MGAT4C: variants seen among roughly 807,000 people sequenced by gnomAD.
The protein encoded by MGAT4C is alpha-1,3-mannosyl-glycoprotein 4-beta-N-acetylglucosaminyltransferase C.
A neutral mutation model predicts 40.1 loss-of-function variants in MGAT4C; 19 were observed. The ratio of observed to expected loss-of-function variants is 0.47; its 90% CI spans 0.33 to 0.70. The LOEUF is 0.70. Among genes scored for constraint, MGAT4C ranks in the 30% least tolerant of loss-of-function variants. The pLI is 0.02. For missense variants in MGAT4C, 491 were observed against 563.2 expected, an observed-to-expected ratio of 0.87 and a Z score of 1.30; for synonymous variants, 181 against 187.1, an observed-to-expected ratio of 0.97 and a Z score of 0.27.
At chr12:86,093,724 C>T (rs963151505) in intron 1 of MGAT4C, among the ~76,000 whole-genome samples, 15 of 142,500 alleles carry the variant, frequency 1.1e-4, no homozygotes, top group African/African-American at 3.1e-4. Flanking sequence ...AGTGAGACTC[C>T]GTCTAAAAAC....
At chr12:86,610,979 T>G (rs961947957) in intron 2 of MGAT4C, among the ~76,000 whole-genome samples, 1 of 151,626 alleles carries the variant, frequency 6.6e-6, no homozygotes, top group Non-Finnish European at 1.5e-5. Context: ...TACATGTGGG[T>G]CAGAAATGGC....
intron 2 of MGAT4C, among the ~76,000 whole-genome samples, chr12:86,703,149 T>C (rs1950393738): frequency 6.6e-6 from 1 of 152,138 alleles, no homozygotes; most frequent in Admixed American, 6.6e-5. Flanking sequence ...CGTAAATAGA[T>C]GAGGAATTGC....
chr12:86,411,400 A>G (rs150822876), intron 3 of MGAT4C, among the ~76,000 whole-genome samples: 1 of 152,188 alleles, frequency 6.6e-6, no homozygotes, highest in African/African-American at 2.4e-5. Flanking sequence ...CTTATTGAAA[A>G]CTGGAGTAAA....
intron 3 of MGAT4C, among the ~76,000 whole-genome samples, chr12:86,430,254 G>C (rs186492764): frequency 6.6e-6 from 1 of 151,978 alleles, no homozygotes; most frequent in African/African-American, 2.4e-5. Flanking sequence ...CAGATTTCTA[G>C]ATCTCCATTT....
intron 4 of MGAT4C, among the ~76,000 whole-genome samples, chr12:86,301,780 C>T (rs1192268264): frequency 6.6e-6 from 1 of 152,154 alleles, no homozygotes; most frequent in Non-Finnish European, 1.5e-5. Context: ...ATATTTTTCT[C>T]ATTTTAATAC....
intron 1 of MGAT4C, among the ~76,000 whole-genome samples, chr12:86,753,977 A>G (rs1325254732): frequency 6.6e-6 from 1 of 152,180 alleles, no homozygotes; most frequent in Non-Finnish European, 1.5e-5. Context: ...ACAAATAAGT[A>G]CTACTCCTAA....
intron 4 of MGAT4C, among the ~76,000 whole-genome samples, chr12:86,310,090 A>G (rs986032472): frequency 3.3e-5 from 5 of 152,148 alleles, no homozygotes; most frequent in Non-Finnish European, 7.3e-5. Flanking sequence ...TGAAGTAGAG[A>G]AACCAGTGAG....
At chr12:86,808,346 A>T (rs1952404113) in intron 1 of MGAT4C, among the ~76,000 whole-genome samples, 1 of 152,114 alleles carries the variant, frequency 6.6e-6, no homozygotes, top group Non-Finnish European at 1.5e-5. Context: ...CTTCAGGCCA[A>T]TATCCCTGAT....
chr12:86,194,269 G>GT (rs146800158), intron 1 of MGAT4C, among the ~76,000 whole-genome samples: 12,678 of 150,886 alleles, frequency 0.084, 621 homozygotes, highest in Middle Eastern at 0.23. Flanking sequence ...AATAACCCTT[G>GT]TTTTTTTTTA....
intron 2 of MGAT4C, among the ~76,000 whole-genome samples, chr12:86,681,675 C>T (rs1461996631): frequency 6.6e-6 from 1 of 151,872 alleles, no homozygotes; most frequent in Non-Finnish European, 1.5e-5. Context: ...TTTCTATACA[C>T]CTAACAGCTA....
At chr12:86,698,415 T>G (rs752024709) in intron 2 of MGAT4C, among the ~76,000 whole-genome samples, 3 of 151,928 alleles carry the variant, frequency 2.0e-5, no homozygotes, top group Non-Finnish European at 2.9e-5. Context: ...ACTTAACAGA[T>G]TGGCAAATAC....
chr12:86,836,669 T>C (rs1397061628), intron 1 of MGAT4C, among the ~76,000 whole-genome samples: 3 of 152,026 alleles, frequency 2.0e-5, no homozygotes, highest in East Asian at 3.9e-4. Flanking sequence ...GTCAGATATA[T>C]AAAATTTTTA....
intron 2 of MGAT4C, among the ~76,000 whole-genome samples, chr12:86,509,411 T>C (rs1958532211): frequency 6.6e-6 from 1 of 152,212 alleles, no homozygotes; most frequent in Admixed American, 6.5e-5. Flanking sequence ...TTCTGTTCCA[T>C]TGATCTATAT....
intron 2 of MGAT4C, among the ~76,000 whole-genome samples, chr12:86,598,575 A>G (rs2136456880): frequency 6.6e-6 from 1 of 152,234 alleles, no homozygotes; most frequent in African/African-American, 2.4e-5. Context: ...AAAGTTAGCA[A>G]AAATTCCCTT....
chr12:86,806,432 G>T (rs1193812031), intron 1 of MGAT4C, among the ~76,000 whole-genome samples: 2 of 85,984 alleles, frequency 2.3e-5, no homozygotes, highest in African/African-American at 6.3e-5. Flanking sequence ...ACTTACATCT[G>T]TGTGTGTGTG....
intron 2 of MGAT4C, among the ~76,000 whole-genome samples, chr12:86,452,882 G>A (rs1298440988): frequency 3.3e-5 from 5 of 152,018 alleles, no homozygotes; most frequent in Non-Finnish European, 7.4e-5. Flanking sequence ...CCATACAGAA[G>A]GGGATGGAAG....
intron 4 of MGAT4C, among the ~76,000 whole-genome samples, chr12:86,309,052 T>C (rs1954008046): frequency 6.6e-6 from 1 of 150,592 alleles, no homozygotes; most frequent in African/African-American, 2.5e-5. Flanking sequence ...ATAATAATGA[T>C]AAGGTCTGAT....
chr12:86,770,489 T>G (rs1218876275), intron 1 of MGAT4C, among the ~76,000 whole-genome samples: 1 of 152,102 alleles, frequency 6.6e-6, no homozygotes, highest in Non-Finnish European at 1.5e-5. Flanking sequence ...GCTTTATATA[T>G]ATTTTAGGCC....
Position 86,123,812 on chromosome 12 carries a change from C to T in MGAT4C, c.-56-74089G>A, listed in dbSNP as rs555125191. Among the ~76,000 whole-genome samples, 8 of 151,998 alleles carry T rather than the reference C, an allele frequency of 5.3e-5. No homozygotes were observed. The South Asian group carries it at 1.0e-3, about 20-fold the overall frequency. On this transcript the variant is annotated intron_variant, in intron 1 of 4. Transcript: ENST00000611864. The stretch of plus-strand genomic sequence containing the variant: ...ATGCATTTAAGAATTTTTTGAAATG[C>T]CTCAATCAGGTTATTTTATAAAATA...
Sources: gnomAD v4.1 joint callset for allele counts (sites outside exome capture counted in the v4.1 genomes callset) on GRCh38, gnomAD v4.1.1 for gene constraint, MANE v1.5 for transcripts, NCBI Gene and HGNC (gene_info 2026-07-23, HGNC 2026-07-21) for gene names.